ZDHHC24: variants seen among roughly 807,000 people sequenced by gnomAD.
ZDHHC24 encodes the protein probable palmitoyltransferase ZDHHC24.
Under a neutral mutation model 23.2 loss-of-function variants are expected in ZDHHC24, and 17 were observed. The ratio of observed to expected loss-of-function variants is 0.73; its 90% CI spans 0.50 to 1.10. The LOEUF (loss-of-function observed/expected upper bound fraction) is 1.10, where lower values mean the gene tolerates loss of function less well. Ranked by LOEUF, ZDHHC24 falls within the 50% of genes least tolerant of loss-of-function variation. ZDHHC24 has a pLI of 0.00. For missense variants in ZDHHC24, 366 were observed against 393.0 expected, an observed-to-expected ratio of 0.93 and a Z score of 0.58; for synonymous variants, 186 against 194.5, an observed-to-expected ratio of 0.96 and a Z score of 0.36.
At chr11:66,543,462 T>G (rs943724353) in intron 2 of ZDHHC24, among the ~76,000 whole-genome samples, 2 of 152,180 alleles carry the variant, frequency 1.3e-5, no homozygotes, top group Non-Finnish European at 2.9e-5. Flanking sequence ...CCACGAGTCT[T>G]TCTCCTCTCT....
At chr11:66,523,363 C>T in intron 4 of ZDHHC24, 3 of 1,569,544 alleles carry the variant, frequency 1.9e-6, no homozygotes, top group Non-Finnish European at 2.6e-6. Context: ...GTGTTCCTCC[C>T]AGGTGAGTCC....
downstream of ZDHHC24, chr11:66,533,254 C>A (rs1057306658): frequency 2.6e-5 from 4 of 152,198 alleles, no homozygotes; most frequent in Non-Finnish European, 2.9e-5. Context: ...CTAAAACATA[C>A]TTATTTAAAA....
intron 4 of ZDHHC24, among the ~76,000 whole-genome samples, chr11:66,521,877 C>G (rs1312544547): frequency 7.1e-6 from 1 of 141,132 alleles, no homozygotes; most frequent in Non-Finnish European, 1.5e-5. Context: ...TGCACTCCAG[C>G]CTGGGTAACG....
chr11:66,530,894 G>T (rs747604822), downstream of ZDHHC24: 5 of 1,614,192 alleles, frequency 3.1e-6, no homozygotes, highest in Admixed American at 8.3e-5. Flanking sequence ...CTCTCCATAG[G>T]TTCAGGGCCT....
In ZDHHC24 at chr11:66,543,872, C is replaced by T. The variant is rs769467964; in HGVS notation, c.391G>A (p.Val131Met). ...DHHCRLLGRC[V>M]GFGNYRPFLC... ...AAGGGCCGGTAGTTGCCGAAGCCCA[C>T]GCAGCGGCCCAGCAGGCGGCAGTGG... is the stretch of plus-strand genomic sequence containing the variant. Residue 131 changes from valine (V) to methionine (M), a missense_variant, in exon 2 of 3, where the codon GTG becomes ATG. Coordinates refer to ENST00000310442, the MANE Select transcript of ZDHHC24 (RefSeq NM_207340.3). The T allele has an allele frequency of 6.2e-6, 10 of 1,613,892 alleles. No individual in the cohort carries two copies. Among genetic ancestry groups the T allele is most frequent in the Admixed American group, 1.7e-5 (1 of 59,996 alleles).
chr11:66,541,212 G>A lies in ZDHHC24; in HGVS notation c.560-1388C>T, dbSNP rs151047581. On this transcript the variant is annotated intron_variant, in intron 2 of 2. Transcript: ENST00000310442. ...AGGTCAGGAGTTCCAGACCAGCCTGGCCAACATGGAGAAACTCCGTCTGTA... is the reference window on the plus strand; with the variant it reads ...AGGTCAGGAGTTCCAGACCAGCCTGACCAACATGGAGAAACTCCGTCTGTA... 7.0e-3 allele frequency among the ~76,000 whole-genome samples: 1,069 copies of A among 152,048 alleles called. 9 individuals carry two copies. Among genetic ancestry groups the A allele is most frequent in the African/African-American group, 0.024 (1,009 of 41,482 alleles).
intron 4 of ZDHHC24, chr11:66,523,366 G>C: frequency 6.3e-7 from 1 of 1,578,774 alleles, no homozygotes. Flanking sequence ...TTCCTCCCAG[G>C]TGAGTCCATG....
At chr11:66,524,092 C>A in intron 4 of ZDHHC24, 1 of 651,618 alleles carries the variant, frequency 1.5e-6, no homozygotes, top group Non-Finnish European at 2.7e-6. Flanking sequence ...CCAGCCTAGC[C>A]AACATGGCAT....
Position 66,539,579 on chromosome 11 carries a change from C to T in ZDHHC24, c.805G>A (p.Asp269Asn). ...GCTGTGGTCTGGAAGGTGATCCCAT[C>T]CCCAGGCAATGGGGAGGCCAGGAAG... is the stretch of plus-strand genomic sequence containing the variant. Reference protein sequence around the residue: ...WPFLASPLPGDGITFQTTADV... With the variant: ...WPFLASPLPGNGITFQTTADV... The change falls in exon 3 of 3, where the codon GAT becomes AAT. Residue 269 changes from aspartate to asparagine, a missense_variant. Physicochemically the swap from Asp to Asn is conservative, Grantham distance 23. Coordinates refer to ENST00000310442, the MANE Select transcript of ZDHHC24 (RefSeq NM_207340.3). 1 of 1,610,104 alleles carries T rather than the reference C, an allele frequency of 6.2e-7. No homozygotes were observed. The highest frequency in any genetic ancestry group is 1.3e-5 in the African/African-American group (1 of 74,958).
At chr11:66,520,973 C>T, downstream of ZDHHC24, 1 of 423,962 alleles carries the variant, frequency 2.4e-6, no homozygotes, top group Non-Finnish European at 4.4e-6. Flanking sequence ...CCCGCCTCAG[C>T]CTCTCAAAGT....
rs187412400 is a variant in ZDHHC24 at position 66,521,723 on chromosome 11, T to C, written c.*22-257A>G. Reference sequence around the variant, plus strand: ...GAGTTCAAGACCAGCCTGGCCAACATGGTGAAACCCCGTCTCTACTAAAAA... The same window carrying C: ...GAGTTCAAGACCAGCCTGGCCAACACGGTGAAACCCCGTCTCTACTAAAAA... On this transcript the variant is annotated intron_variant, in intron 4 of 4. Coordinates refer to the ZDHHC24 transcript ENST00000526986. The C allele has an allele frequency of 1.0e-3, 348 of 333,868 alleles. 2 individuals carry two copies. Among genetic ancestry groups the C allele is most frequent in the African/African-American group, 7.0e-3 (326 of 46,708 alleles). The allele number at this position is 333,868 out of a possible 1,614,324, so 20.7% of individuals were successfully genotyped here. A position where few individuals can be genotyped will look rare whatever the true frequency, so the allele number is the denominator to read the frequency against.
rs1250335479 is a variant in ZDHHC24 at position 66,537,442 on chromosome 11, C to T, written c.*2087G>A. 3 of 152,120 alleles carry T rather than the reference C, an allele frequency of 2.0e-5. No individual in the cohort carries two copies. Among genetic ancestry groups the T allele is most frequent in the Admixed American group, 2.0e-4 (3 of 15,268 alleles). The allele number at this position is 152,120 out of a possible 1,614,324, so 9.4% of individuals were successfully genotyped here. On this transcript the variant is annotated 3_prime_UTR_variant, in exon 3 of 3. Coordinates refer to ENST00000310442, the MANE Select transcript of ZDHHC24 (RefSeq NM_207340.3). ...GTCCTGGTGGAGTTCCTGAGCCCCT[C>T]CGGGGCTCTGGCAGGTAATTCCACT...
At chr11:66,530,146 C>A (rs1157973604) in intron 2 of ZDHHC24, among the ~76,000 whole-genome samples, 1 of 152,190 alleles carries the variant, frequency 6.6e-6, no homozygotes, top group Non-Finnish European at 1.5e-5. Flanking sequence ...CCTTCCCACC[C>A]TCCTGTGCCA....
At chr11:66,520,976 C>G (rs900989546), downstream of ZDHHC24, 3 of 431,072 alleles carry the variant, frequency 7.0e-6, no homozygotes, top group Non-Finnish European at 1.3e-5. Context: ...GCCTCAGCCT[C>G]TCAAAGTGTT....
At chr11:66,527,257 T>C (rs1237766913) in intron 3 of ZDHHC24, among the ~76,000 whole-genome samples, 2 of 151,816 alleles carry the variant, frequency 1.3e-5, no homozygotes, top group Non-Finnish European at 2.9e-5. Context: ...ATTTGACCAG[T>C]GTCATCTTGT....
downstream of ZDHHC24, chr11:66,531,104 C>T (rs1212017907): frequency 1.9e-6 from 3 of 1,584,858 alleles, no homozygotes; most frequent in African/African-American, 2.7e-5. Context: ...CACAGAGCCC[C>T]GCCAGGTCAG....
intron 4 of ZDHHC24, chr11:66,523,224 T>C (rs1186797937): frequency 7.7e-6 from 5 of 652,440 alleles, no homozygotes; most frequent in African/African-American, 1.8e-5. Context: ...GACACCATAG[T>C]GAAGGTGGGA....
intron 2 of ZDHHC24, among the ~76,000 whole-genome samples, chr11:66,530,353 G>C (rs1255392633): frequency 6.6e-6 from 1 of 151,714 alleles, no homozygotes; most frequent in Admixed American, 6.6e-5. Flanking sequence ...GGGCCATCCC[G>C]GCCTCACCCG....
In ZDHHC24 at chr11:66,535,678, C is replaced by T. The variant is rs1590788159; in HGVS notation, c.*3851G>A. 6.6e-6 allele frequency among the ~76,000 whole-genome samples: 1 copy of T among 152,118 alleles called. No homozygotes were observed. The highest frequency in any genetic ancestry group is 2.4e-5 in the African/African-American group (1 of 41,402). ...TGAAAACATTGAGTGCAGAAATAAA[C>T]CCTGCTCATGAATGGGAAAATTCAA... On this transcript the variant is annotated 3_prime_UTR_variant, in exon 3 of 3. Coordinates refer to ENST00000310442, the MANE Select transcript of ZDHHC24 (RefSeq NM_207340.3).
Sources: allele counts gnomAD v4.1 joint callset (sites outside exome capture counted in the v4.1 genomes callset), GRCh38; gene constraint gnomAD v4.1.1; transcripts MANE v1.5; gene names NCBI Gene and HGNC (gene_info 2026-07-23, HGNC 2026-07-21).